Variants in THBS4 observed in about 807,000 individuals in gnomAD.
The protein encoded by THBS4 is thrombospondin 4.
In THBS4, 90 loss-of-function variants were observed where a neutral mutation model predicts 115.7. That is an observed-to-expected ratio of 0.78 (90% CI 0.66 to 0.93). THBS4 has a LOEUF of 0.93. Among genes scored for constraint, THBS4 ranks in the 40% least tolerant of loss-of-function variants. THBS4 has a pLI of 0.00. For missense variants in THBS4, 1,087 were observed against 1,232.7 expected (o/e 0.88, Z 1.77); for synonymous variants, 460 against 479.3 (o/e 0.96, Z 0.53).
intron 2 of THBS4, among the ~76,000 whole-genome samples, chr5:80,045,650 C>A (rs1202989832): frequency 4.0e-5 from 6 of 151,652 alleles, no homozygotes; most frequent in Admixed American, 3.3e-4. Context: ...CCTGCCTCAG[C>A]CTCCCAATTA....
chr5:80,029,334 G>A (rs1832541096), intron 2 of THBS4, among the ~76,000 whole-genome samples: 1 of 152,094 alleles, frequency 6.6e-6, no homozygotes, highest in Non-Finnish European at 1.5e-5. Context: ...ACCACCATAT[G>A]GATGGATAAA....
chr5:80,058,187 T>C lies in THBS4; in HGVS notation c.541-19T>C, dbSNP rs1261042310. The C allele has an allele frequency of 4.5e-6, 7 of 1,547,860 alleles. No homozygotes were observed. The highest frequency in any genetic ancestry group is 1.9e-5 in the Admixed American group (1 of 51,996). On this transcript the variant is annotated intron_variant, in intron 3 of 21. Transcript: ENST00000350881. ...TGAACAGTGTCAGCAATCTGTGGTA[T>C]GAATGTGATTTCTTCCAGGACTTCT...
At chr5:79,993,155 G>A (rs1831721530) in intron 1 of THBS4, among the ~76,000 whole-genome samples, 1 of 152,148 alleles carries the variant, frequency 6.6e-6, no homozygotes, top group African/African-American at 2.4e-5. Context: ...ACTACATACA[G>A]TGATTTCATT....
intron 2 of THBS4, among the ~76,000 whole-genome samples, chr5:80,007,423 G>C (rs751466551): frequency 6.6e-6 from 1 of 152,236 alleles, no homozygotes; most frequent in Non-Finnish European, 1.5e-5. Flanking sequence ...CAGCACAGTG[G>C]TGCTTTGTGC....
At chr5:80,002,133 CATT>C (rs1831911588) in intron 2 of THBS4, among the ~76,000 whole-genome samples, 1 of 152,146 alleles carries the variant, frequency 6.6e-6, no homozygotes, top group East Asian at 1.9e-4. Context: ...TGTTAACTAT[CATT>C]AATAGTGAAA....
chr5:80,046,206 A>C (rs1833060865), intron 2 of THBS4, among the ~76,000 whole-genome samples: 1 of 152,186 alleles, frequency 6.6e-6, no homozygotes, highest in African/African-American at 2.4e-5. Context: ...CATCAAGGGG[A>C]GTGTTCTTCA....
upstream of THBS4, among the ~76,000 whole-genome samples, chr5:80,032,617 A>G (rs2438603): frequency 0.25 from 37,945 of 152,082 alleles, 5,435 homozygotes; most frequent in African/African-American, 0.39. Flanking sequence ...GCAAATCACT[A>G]ATGTAGGTCC....
At chr5:80,082,363 G>C (rs771203350) in intron 20 of THBS4, 43 bp from the exon 21 acceptor site, 1 of 1,608,518 alleles carries the variant, frequency 6.2e-7, no homozygotes, top group Non-Finnish European at 8.5e-7. Flanking sequence ...ACTTTACCCC[G>C]GGTTGGATTT....
At chr5:80,053,682 C>A (rs1157289177) in intron 2 of THBS4, among the ~76,000 whole-genome samples, 1 of 152,184 alleles carries the variant, frequency 6.6e-6, no homozygotes. Context: ...AATTAGCCTC[C>A]GACCTTGTTC....
intron 14 of THBS4, chr5:80,072,669 C>A: frequency 2.4e-6 from 1 of 416,154 alleles, no homozygotes; most frequent in Non-Finnish European, 4.4e-6. Flanking sequence ...ATTTTTCCTG[C>A]AGAAAGGAAA....
At chr5:80,081,348 G>A (rs919540172) in intron 20 of THBS4, among the ~76,000 whole-genome samples, 11 of 151,950 alleles carry the variant, frequency 7.2e-5, no homozygotes, top group African/African-American at 2.7e-4. Flanking sequence ...CCCCTTTTCC[G>A]TCCCAAAATG....
At chr5:80,045,786 C>T (rs1833047916) in intron 2 of THBS4, among the ~76,000 whole-genome samples, 1 of 152,146 alleles carries the variant, frequency 6.6e-6, no homozygotes, top group Non-Finnish European at 1.5e-5. Flanking sequence ...CTGCTTCGGC[C>T]TCCCAAAGTG....
At chr5:80,016,673 T>A (rs1201228161) in intron 2 of THBS4, among the ~76,000 whole-genome samples, 2 of 152,214 alleles carry the variant, frequency 1.3e-5, no homozygotes, top group Non-Finnish European at 2.9e-5. Flanking sequence ...TAAAAAATGA[T>A]CAATGAAGTA....
At chr5:80,066,534 G>A (rs1395492148) in intron 9 of THBS4, 1 of 152,188 alleles carries the variant, frequency 6.6e-6, no homozygotes, top group Non-Finnish European at 1.5e-5. Context: ...GGGTACAAGA[G>A]TAGTTTGAGG....
intron 2 of THBS4, among the ~76,000 whole-genome samples, chr5:80,028,095 A>G (rs1832516149): frequency 6.6e-6 from 1 of 151,610 alleles, no homozygotes; most frequent in Non-Finnish European, 1.5e-5. Flanking sequence ...CACACCTGCA[A>G]TCCCAGCTAC....
At chr5:80,078,024 C>T in intron 16 of THBS4, 25 bp from the exon 17 acceptor site, 3 of 1,545,654 alleles carry the variant, frequency 1.9e-6, no homozygotes, top group Non-Finnish European at 2.6e-6. Flanking sequence ...CTATTGAGCT[C>T]CTGTCCTTTC....
chr5:80,011,865 A>G (rs1196126336), intron 2 of THBS4, among the ~76,000 whole-genome samples: 1 of 147,422 alleles, frequency 6.8e-6, no homozygotes, highest in South Asian at 2.2e-4. Flanking sequence ...CTGAGAAACG[A>G]TTCTGTTTCT....
chr5:80,024,658 T>C (rs564135637), intron 2 of THBS4, among the ~76,000 whole-genome samples: 1 of 152,320 alleles, frequency 6.6e-6, no homozygotes, highest in African/African-American at 2.4e-5. Flanking sequence ...TATCATGATG[T>C]AGCATGCTGG....
intron 2 of THBS4, chr5:80,020,044 G>A (rs1832331843): frequency 6.5e-6 from 1 of 153,172 alleles, no homozygotes; most frequent in Non-Finnish European, 1.5e-5. Flanking sequence ...GCCATTTGCT[G>A]TTCTCGCAGC....
Sources: allele counts gnomAD v4.1 joint callset (sites outside exome capture counted in the v4.1 genomes callset), GRCh38; gene constraint gnomAD v4.1.1; transcripts MANE v1.5; gene names NCBI Gene and HGNC (gene_info 2026-07-23, HGNC 2026-07-21).